PTAR1: variants seen among roughly 807,000 people sequenced by gnomAD.
The protein encoded by PTAR1 is protein prenyltransferase alpha subunit repeat-containing protein 1.
A neutral mutation model predicts 45.5 loss-of-function variants in PTAR1; 17 were observed. That is an observed-to-expected ratio of 0.37 (90% confidence interval 0.26 to 0.56). The LOEUF is 0.56. Among genes scored for constraint, PTAR1 ranks in the 20% least tolerant of loss-of-function variants. The probability of loss-of-function intolerance (pLI) is 0.77; values close to 1 mark genes in which losing one functional copy is unlikely to be tolerated. For missense variants in PTAR1, 391 were observed against 476.3 expected, an observed-to-expected ratio of 0.82 and a Z score of 1.67; for synonymous variants, 169 against 171.3, an observed-to-expected ratio of 0.99 and a Z score of 0.11.
rs375187342 is a variant in PTAR1 at position 69,756,638 on chromosome 9, G to C, written c.86+3215C>G. On this transcript the variant is annotated intron_variant, in intron 1 of 7. Transcript: ENST00000340434. ...TTCACTGCTCCCTGTGGAGGTCTCT[G>C]GCTCCCTCTGAGACTACAAATCCTA... 7.9e-5 allele frequency among the ~76,000 whole-genome samples: 12 copies of C among 152,152 alleles called. No homozygotes were observed. In the East Asian group the frequency reaches 2.1e-3, roughly 27 times the overall value.
chr9:69,717,738 G>T lies in PTAR1; in HGVS notation c.*604C>A, dbSNP rs1423674464. 1 of 152,128 alleles carries T rather than the reference G, an allele frequency of 6.6e-6. No individual in the cohort carries two copies. The highest frequency in any genetic ancestry group is 1.5e-5 in the Non-Finnish European group (1 of 68,038). The allele number at this position is 152,128 out of a possible 1,614,324, so 9.4% of individuals were successfully genotyped here. ...ATTTTCAATTTGTTTTAGAGACAGGGTCTCAACTCTATTGCCCAGGCTGAG... is the reference window on the plus strand; with the variant it reads ...ATTTTCAATTTGTTTTAGAGACAGGTTCTCAACTCTATTGCCCAGGCTGAG... On this transcript the variant is annotated 3_prime_UTR_variant, in exon 8 of 8. Transcript: ENST00000340434.
At chr9:69,724,885 T>C (rs919687322) in intron 5 of PTAR1, among the ~76,000 whole-genome samples, 4 of 152,206 alleles carry the variant, frequency 2.6e-5, no homozygotes, top group Non-Finnish European at 5.9e-5. Flanking sequence ...ATAGTCAAGT[T>C]GTATCAGTGA....
chr9:69,731,898 G>C, intron 5 of PTAR1: 1 of 528,164 alleles, frequency 1.9e-6, no homozygotes, highest in Non-Finnish European at 3.4e-6. Context: ...TCCTCAGTTG[G>C]TTAAACCTGC....
intron 3 of PTAR1, among the ~76,000 whole-genome samples, chr9:69,736,699 A>G (rs1825804780): frequency 1.3e-5 from 2 of 152,182 alleles, no homozygotes; most frequent in South Asian, 2.1e-4. Flanking sequence ...ATTTTCTTCA[A>G]AAAAGAGGCA....
intron 1 of PTAR1, chr9:69,758,839 A>C (rs1826929722): frequency 1.1e-5 from 1 of 91,906 alleles, no homozygotes; most frequent in Non-Finnish European, 2.1e-5. Context: ...TAAATTAAAT[A>C]ATAATAAAAA....
chr9:69,727,067 A>G (rs866849240), intron 5 of PTAR1, among the ~76,000 whole-genome samples: 3 of 151,764 alleles, frequency 2.0e-5, no homozygotes, highest in Non-Finnish European at 4.4e-5. Context: ...ACACACACAT[A>G]TATATATACG....
At chr9:69,729,156 C>T (rs954422041) in intron 5 of PTAR1, among the ~76,000 whole-genome samples, 1 of 152,074 alleles carries the variant, frequency 6.6e-6, no homozygotes, top group African/African-American at 2.4e-5. Context: ...CCCGTCTCTA[C>T]TAAAAATATA....
chr9:69,734,008 C>A, intron 4 of PTAR1, 142 bp downstream of exon 4: 1 of 575,138 alleles, frequency 1.7e-6, no homozygotes, highest in South Asian at 2.4e-5. Flanking sequence ...AGTTATATAG[C>A]TCCTAGATTT....
At chr9:69,751,786 TAA>T (rs1298879635) in intron 1 of PTAR1, among the ~76,000 whole-genome samples, 1 of 152,128 alleles carries the variant, frequency 6.6e-6, no homozygotes, top group African/African-American at 2.4e-5. Context: ...AAATAAATGT[TAA>T]AACACAAAAT....
chr9:69,756,519 A>G (rs2134178345), intron 1 of PTAR1, among the ~76,000 whole-genome samples: 1 of 152,286 alleles, frequency 6.6e-6, no homozygotes, highest in South Asian at 2.1e-4. Flanking sequence ...TGCAGAATGT[A>G]TGAATGGAAT....
At position 69,714,554 on chromosome 9, in the gene PTAR1, T is replaced by C. The variant is rs1396321297; in HGVS notation, c.*3788A>G. ...TGTGTGTGGCCCAACAAGAATAAACTGGCATGACCTGAACATACCTAAGTG... is the reference window on the plus strand; with the variant it reads ...TGTGTGTGGCCCAACAAGAATAAACCGGCATGACCTGAACATACCTAAGTG... On this transcript the variant is annotated 3_prime_UTR_variant, in exon 8 of 8. Coordinates refer to ENST00000340434, the MANE Select transcript of PTAR1 (RefSeq NM_001099666.2). The C allele has an allele frequency of 6.6e-6, 1 of 152,096 alleles. No homozygotes were observed. The highest frequency in any genetic ancestry group is 1.5e-5 in the Non-Finnish European group (1 of 67,998). 9.4% of individuals were successfully genotyped at this position (152,096 alleles called of 1,614,324 possible).
At chr9:69,758,187 G>C (rs1164927776) in intron 1 of PTAR1, 1 of 152,188 alleles carries the variant, frequency 6.6e-6, no homozygotes, top group African/African-American at 2.4e-5. Flanking sequence ...AAACTGCACT[G>C]TGTTAAAAAC....
intron 6 of PTAR1, among the ~76,000 whole-genome samples, chr9:69,719,635 C>T (rs1824893847): frequency 6.6e-6 from 1 of 152,152 alleles, no homozygotes; most frequent in Admixed American, 6.5e-5. Context: ...GTAATACAGG[C>T]ATACCTAGTT....
chr9:69,730,662 T>G (rs1372314559), intron 5 of PTAR1, among the ~76,000 whole-genome samples: 5 of 149,722 alleles, frequency 3.3e-5, no homozygotes, highest in Non-Finnish European at 7.4e-5. Flanking sequence ...GTGCTCCCAT[T>G]GTATTCTGAT....
chr9:69,745,586 T>G (rs1480848586), intron 2 of PTAR1, among the ~76,000 whole-genome samples: 1 of 152,162 alleles, frequency 6.6e-6, no homozygotes, highest in African/African-American at 2.4e-5. Flanking sequence ...CATTTTATGG[T>G]TATGTGAAGA....
rs879438592 is a variant in PTAR1, at chr9:69,713,889, T to C, written c.*4453A>G. ...AAGGATAAAATACCCTACGGGGCCA[T>C]GCCTAGCGATGGGAATAAATAAAAC... On this transcript the variant is annotated 3_prime_UTR_variant, in exon 8 of 8. Coordinates refer to ENST00000340434, the MANE Select transcript of PTAR1 (RefSeq NM_001099666.2). The C allele has an allele frequency of 1.4e-4, 22 of 152,234 alleles. No homozygotes were observed. The highest frequency in any genetic ancestry group is 3.4e-3 in the Middle Eastern group (1 of 294). The allele number at this position is 152,234 out of a possible 1,614,324, so 9.4% of individuals were successfully genotyped here. A position where few individuals can be genotyped will look rare whatever the true frequency, so the allele number is the denominator to read the frequency against.
chr9:69,729,475 G>A (rs190653280), intron 5 of PTAR1, among the ~76,000 whole-genome samples: 91 of 152,132 alleles, frequency 6.0e-4, no homozygotes, highest in African/African-American at 2.2e-3. Context: ...TTATTGAAGG[G>A]CTACAGCTTT....
chr9:69,724,236 AACTT>A (rs1193264231), intron 5 of PTAR1, among the ~76,000 whole-genome samples: 1 of 152,200 alleles, frequency 6.6e-6, no homozygotes, highest in Non-Finnish European at 1.5e-5. Context: ...AACTGTCTCA[AACTT>A]ACTTAACAGT....
rs1332276572 is a variant in PTAR1 at position 69,759,785 on chromosome 9, G to C, written c.86+68C>G. On this transcript the variant is annotated intron_variant, in intron 1 of 7. Transcript: ENST00000340434. ...CTGTCCGCCCGCCGCCCGAGGTCGG[G>C]TGGACGCTTGGCCCCGCCCCCGCCC... 2.1e-6 allele frequency: 3 copies of C among 1,415,102 alleles called. No homozygotes were observed. The East Asian group carries it at 9.2e-5, about 43-fold the overall frequency. The allele number at this position is 1,415,102 out of a possible 1,614,324, so 87.7% of individuals were successfully genotyped here.
Sources: allele counts gnomAD v4.1 joint callset (sites outside exome capture counted in the v4.1 genomes callset), GRCh38; gene constraint gnomAD v4.1.1; transcripts MANE v1.5; gene names NCBI Gene and HGNC (gene_info 2026-07-23, HGNC 2026-07-21).